ZSCAN25: variants seen among roughly 807,000 people sequenced by gnomAD.
ZSCAN25 encodes the protein zinc finger and SCAN domain-containing protein 25.
ZSCAN25 carries 27 observed loss-of-function variants against 38.7 expected under a neutral mutation model. That is an observed-to-expected ratio of 0.70 (90% CI 0.51 to 0.96). ZSCAN25 has a LOEUF of 0.96. Ranked by LOEUF, ZSCAN25 falls within the 40% of genes least tolerant of loss-of-function variation. The pLI is 0.00. For missense variants in ZSCAN25, 637 were observed against 705.9 expected (o/e 0.90, Z 1.11); for synonymous variants, 273 against 277.7 (o/e 0.98, Z 0.17).
In ZSCAN25 at chr7:99,621,570, G is replaced by T; in HGVS notation, c.585G>T (p.Glu195Asp). The T allele has an allele frequency of 6.9e-7, 1 of 1,451,434 alleles. No individual in the cohort carries two copies. Among genetic ancestry groups the T allele is most frequent in the Non-Finnish European group, 9.2e-7 (1 of 1,085,794 alleles). The allele number at this position is 1,451,434 out of a possible 1,614,324, so 89.9% of individuals were successfully genotyped here. A position where few individuals can be genotyped will look rare whatever the true frequency, so the allele number is the denominator to read the frequency against. The change falls in exon 5 of 8, where the codon GAG becomes GAT. Residue 195 changes from glutamate to aspartate, a missense_variant. Physicochemically the swap from Glu to Asp is conservative, Grantham distance 45. Coordinates refer to ENST00000394152, the MANE Select transcript of ZSCAN25 (RefSeq NM_145115.3). ...DPGDETRAFQEQALPVLQAGP... is the reference protein window; with the variant it reads ...DPGDETRAFQDQALPVLQAGP... ...GAGATGAGACACGGGCCTTCCAGGA[G>T]CAAGGTGAGTAAGACGCAGATAGTG...
At chr7:99,626,960 C>G (rs1807524347) in intron 7 of ZSCAN25, among the ~76,000 whole-genome samples, 1 of 152,194 alleles carries the variant, frequency 6.6e-6, no homozygotes, top group Non-Finnish European at 1.5e-5. Context: ...CCCAGTGTCT[C>G]TGTTTATACT....
the ZSCAN25 span, chr7:99,671,628 CTATA>C: frequency 1.8e-6 from 1 of 542,172 alleles, no homozygotes; most frequent in East Asian, 3.0e-5. Context: ...AAGTGTTAAA[CTATA>C]TAACTCTTAG....
chr7:99,728,266 T>C, the ZSCAN25 span, among the ~76,000 whole-genome samples: 1 of 152,182 alleles, frequency 6.6e-6, no homozygotes, highest in Non-Finnish European at 1.5e-5. Flanking sequence ...CTCCTAGAAC[T>C]TCTCATTTCC....
At chr7:99,712,256 T>A in the ZSCAN25 span, among the ~76,000 whole-genome samples, 1 of 152,176 alleles carries the variant, frequency 6.6e-6, no homozygotes, top group East Asian at 1.9e-4. Context: ...TCAACAGAGC[T>A]GTGATTTACC....
Position 99,631,619 on chromosome 7 carries a change from T to G in ZSCAN25, c.*1599T>G, listed in dbSNP as rs1201783562. The G allele has an allele frequency of 3.5e-6, 3 of 854,604 alleles. No individual in the cohort carries two copies. Among genetic ancestry groups the G allele is most frequent in the Non-Finnish European group, 4.2e-6 (3 of 712,088 alleles). 52.9% of individuals were successfully genotyped at this position (854,604 alleles called of 1,614,324 possible). A position where few individuals can be genotyped will look rare whatever the true frequency, so the allele number is the denominator to read the frequency against. On this transcript the variant is annotated 3_prime_UTR_variant, in exon 8 of 8. Coordinates refer to ENST00000394152, the MANE Select transcript of ZSCAN25 (RefSeq NM_145115.3). Reference sequence around the variant, plus strand: ...TTAATACCAGATTCTTTTACTGAGATTTTTTTTTTTCATTTTCCATTGTAA... The same window carrying G: ...TTAATACCAGATTCTTTTACTGAGAGTTTTTTTTTTCATTTTCCATTGTAA...
chr7:99,698,389 T>A, the ZSCAN25 span, among the ~76,000 whole-genome samples: 1 of 152,166 alleles, frequency 6.6e-6, no homozygotes, highest in Non-Finnish European at 1.5e-5. Flanking sequence ...CCAGGACCCA[T>A]GAATATCTCT....
At chr7:99,636,745 ATAT>A (rs1450484922), downstream of ZSCAN25, among the ~76,000 whole-genome samples, 11 of 152,264 alleles carry the variant, frequency 7.2e-5, no homozygotes, top group African/African-American at 2.7e-4. Flanking sequence ...TTGGTTCAAA[ATAT>A]TATCATAGTG....
At chr7:99,628,701 CAG>C (rs1289960619) in intron 7 of ZSCAN25, among the ~76,000 whole-genome samples, 1 of 152,218 alleles carries the variant, frequency 6.6e-6, no homozygotes, top group Non-Finnish European at 1.5e-5. Context: ...GTGGGCAGGA[CAG>C]GGGACTGAGC....
the ZSCAN25 span, among the ~76,000 whole-genome samples, chr7:99,718,094 G>A: frequency 6.6e-5 from 10 of 152,126 alleles, no homozygotes; most frequent in Non-Finnish European, 1.0e-4. Flanking sequence ...GACACAGGAA[G>A]GGGAACATCA....
At chr7:99,676,355 C>T in the ZSCAN25 span, 1 of 1,538,572 alleles carries the variant, frequency 6.5e-7, no homozygotes, top group South Asian at 1.1e-5. Flanking sequence ...TCAGTAATTG[C>T]ATTCACTCAT....
At position 99,630,024 on chromosome 7, in the gene ZSCAN25, T is replaced by A. The variant is rs1269581313; in HGVS notation, c.*4T>A. On this transcript the variant is annotated 3_prime_UTR_variant, in exon 8 of 8. Coordinates refer to ENST00000394152, the MANE Select transcript of ZSCAN25 (RefSeq NM_145115.3). ...CCAGGAGCCGCTGGTGCAGTGAGCA[T>A]AGCAGGTGGCAGGCAGCACCATCAT... is the stretch of plus-strand genomic sequence containing the variant. 2 of 1,523,542 alleles carry A rather than the reference T, an allele frequency of 1.3e-6. No homozygotes were observed. Among genetic ancestry groups the A allele is most frequent in the Admixed American group, 4.3e-5 (2 of 46,266 alleles). The allele number at this position is 1,523,542 out of a possible 1,614,324, so 94.4% of individuals were successfully genotyped here.
the ZSCAN25 span, among the ~76,000 whole-genome samples, chr7:99,697,196 G>C: frequency 6.6e-6 from 1 of 152,282 alleles, no homozygotes; most frequent in East Asian, 1.9e-4. Flanking sequence ...TGCACATCAA[G>C]TATCTCTGTA....
chr7:99,683,587 T>G, the ZSCAN25 span, among the ~76,000 whole-genome samples: 1 of 152,180 alleles, frequency 6.6e-6, no homozygotes, highest in East Asian at 1.9e-4. Context: ...ATCAATCCCC[T>G]TTATGTAGTG....
At chr7:99,652,628 A>G in the ZSCAN25 span, 1 of 1,614,108 alleles carries the variant, frequency 6.2e-7, no homozygotes, top group Non-Finnish European at 8.5e-7. Flanking sequence ...AATCACCACC[A>G]TTGACCCTTT....
chr7:99,716,859 A>C, the ZSCAN25 span, among the ~76,000 whole-genome samples: 1 of 151,866 alleles, frequency 6.6e-6, no homozygotes, highest in Admixed American at 6.6e-5. Flanking sequence ...CATCCCATAC[A>C]CTCCATGCTT....
At chr7:99,622,691 T>G in intron 6 of ZSCAN25, 51 bp downstream of exon 6, 1 of 1,553,818 alleles carries the variant, frequency 6.4e-7, no homozygotes, top group Non-Finnish European at 8.9e-7. Flanking sequence ...TTGATTGAGG[T>G]TCACCTTCCC....
chr7:99,667,528 G>T, the ZSCAN25 span, among the ~76,000 whole-genome samples: 19 of 151,914 alleles, frequency 1.3e-4, no homozygotes, highest in African/African-American at 3.9e-4. Context: ...ATTTTTTTTT[G>T]AAAAGTAGGT....
chr7:99,676,680 C>T, the ZSCAN25 span: 2 of 621,250 alleles, frequency 3.2e-6, no homozygotes, highest in Non-Finnish European at 5.5e-6. Flanking sequence ...CCTATGGTGA[C>T]ACTGCCCTTA....
At chr7:99,719,222 G>A in the ZSCAN25 span, among the ~76,000 whole-genome samples, 10 of 152,174 alleles carry the variant, frequency 6.6e-5, no homozygotes, top group Admixed American at 2.6e-4. Context: ...ATCCATAAAA[G>A]TGGGAAGAAT....
Sources: allele counts gnomAD v4.1 joint callset (sites outside exome capture counted in the v4.1 genomes callset), GRCh38; gene constraint gnomAD v4.1.1; transcripts MANE v1.5; gene names NCBI Gene and HGNC (gene_info 2026-07-23, HGNC 2026-07-21).